The following LPP variants were observed in gnomAD, a reference collection of about 807,000 sequenced individuals.
LPP encodes lipoma-preferred partner.
LPP carries 38 observed loss-of-function variants against 60.4 expected under a neutral mutation model. The observed-to-expected ratio is 0.63, with a 90% CI of 0.49 to 0.83. The LOEUF (loss-of-function observed/expected upper bound fraction) is 0.83. Ranked by LOEUF, LPP falls within the 40% of genes least tolerant of loss-of-function variation. LPP has a pLI of 0.00. For missense variants in LPP, 902 were observed against 783.6 expected (o/e 1.15, Z -1.80); for synonymous variants, 328 against 290.8 (o/e 1.13, Z -1.30).
chr3:188,368,676 ACACT>A (rs1231665894), intron 3 of LPP, among the ~76,000 whole-genome samples: 13 of 43,314 alleles, frequency 3.0e-4, no homozygotes, highest in East Asian at 2.3e-3. Flanking sequence ...AAACACACAC[ACACT>A]CTCACACACA....
intron 4 of LPP, among the ~76,000 whole-genome samples, chr3:188,447,252 CAT>C (rs1164708537): frequency 6.6e-6 from 1 of 152,148 alleles, no homozygotes; most frequent in Non-Finnish European, 1.5e-5. Flanking sequence ...AAATTTCCCA[CAT>C]GATTTTGTGA....
intron 6 of LPP, among the ~76,000 whole-genome samples, chr3:188,546,750 T>G (rs1380884753): frequency 6.6e-6 from 1 of 152,214 alleles, no homozygotes; most frequent in East Asian, 1.9e-4. Context: ...TTCAATCAAT[T>G]AACTCTTCCA....
intron 1 of LPP, among the ~76,000 whole-genome samples, chr3:188,191,998 G>C (rs1203031649): frequency 2.6e-5 from 4 of 152,100 alleles, no homozygotes; most frequent in African/African-American, 9.7e-5. Context: ...GGAAAATTGG[G>C]ATGGTGTTAG....
intron 9 of LPP, among the ~76,000 whole-genome samples, chr3:188,843,225 G>T (rs369684511): frequency 3.3e-5 from 5 of 152,212 alleles, no homozygotes; most frequent in South Asian, 4.2e-4. Context: ...TTGCCATGAG[G>T]GGCTGTGACA....
intron 6 of LPP, among the ~76,000 whole-genome samples, chr3:188,533,396 G>C (rs1822714470): frequency 1.3e-5 from 2 of 152,274 alleles, no homozygotes; most frequent in South Asian, 2.1e-4. Context: ...TGCTGTTTCT[G>C]GCAAGGCTGC....
At chr3:188,500,099 T>G (rs924578418) in intron 5 of LPP, among the ~76,000 whole-genome samples, 1 of 152,130 alleles carries the variant, frequency 6.6e-6, no homozygotes, top group Non-Finnish European at 1.5e-5. Context: ...ACCTTTATTT[T>G]TTTTTCTTCC....
chr3:188,622,187 T>A (rs1845929944), intron 7 of LPP, among the ~76,000 whole-genome samples: 2 of 152,096 alleles, frequency 1.3e-5, no homozygotes, highest in African/African-American at 4.8e-5. Flanking sequence ...TTTGCAGACT[T>A]TATGTTCACA....
At position 188,217,344 on chromosome 3, in the gene LPP, T is replaced by C. The variant is rs1365354240; in HGVS notation, c.-189-8061T>C. Among the ~76,000 whole-genome samples the C allele has an allele frequency of 6.6e-6, 1 of 152,118 alleles. No individual in the cohort carries two copies. Among genetic ancestry groups the C allele is most frequent in the African/African-American group, 2.4e-5 (1 of 41,420 alleles). ...TTTGAGGAACAGAAGGAGACTGATG[T>C]GCTGGCAGGATGTGGGCTGCAGGGG... On this transcript the variant is annotated intron_variant, in intron 1 of 11. Transcript: ENST00000617246. The surrounding 1 kb of genome is among the most constrained non-coding windows in gnomAD (Gnocchi z 4.0).
chr3:188,778,151 G>A (rs1469835650), intron 9 of LPP, among the ~76,000 whole-genome samples: 1 of 152,140 alleles, frequency 6.6e-6, no homozygotes, highest in African/African-American at 2.4e-5. Context: ...GGAAGAAGAT[G>A]AATTTCAGGT....
At chr3:188,798,819 A>G (rs1367104064) in intron 9 of LPP, among the ~76,000 whole-genome samples, 1 of 152,218 alleles carries the variant, frequency 6.6e-6, no homozygotes, top group South Asian at 2.1e-4. Flanking sequence ...GAGAAGGGAA[A>G]TTTCACCGTC....
At chr3:188,658,369 C>T (rs954303037) in intron 7 of LPP, among the ~76,000 whole-genome samples, 15 of 152,032 alleles carry the variant, frequency 9.9e-5, no homozygotes, top group African/African-American at 3.4e-4. Flanking sequence ...TGGTCTCAAA[C>T]TCCTGACCTC....
rs1578467744 is a variant in LPP, at chr3:188,379,591, G to T, written c.-9-26521G>T. Among the ~76,000 whole-genome samples the T allele has an allele frequency of 2.0e-5, 3 of 152,098 alleles. No individual in the cohort carries two copies. In the South Asian group the frequency reaches 6.2e-4, roughly 32 times the overall value. ...ATTTCTCCCAAATCTCTTGCATCCG[G>T]TACTAAGCAACCACGAATCTACTTT... On this transcript the variant is annotated intron_variant, in intron 3 of 11. Coordinates refer to ENST00000617246, the MANE Select transcript of LPP (RefSeq NM_001375462.1).
intron 1 of LPP, among the ~76,000 whole-genome samples, chr3:188,177,501 G>C (rs1723412457): frequency 1.3e-5 from 2 of 152,128 alleles, no homozygotes; most frequent in African/African-American, 4.8e-5. Context: ...TAGCGGCAAA[G>C]ACACTAGATC....
chr3:188,450,992 G>C (rs28672297), intron 4 of LPP, among the ~76,000 whole-genome samples: 42,462 of 151,730 alleles, frequency 0.28, 6,149 homozygotes, highest in Non-Finnish European at 0.3. Flanking sequence ...CTGTGGGGAG[G>C]GTGCTTGATC....
chr3:188,556,070 C>T (rs1169375891), intron 6 of LPP, among the ~76,000 whole-genome samples: 1 of 152,020 alleles, frequency 6.6e-6, no homozygotes, highest in Non-Finnish European at 1.5e-5. Flanking sequence ...GTATCCACAC[C>T]ATTGGATCAA....
intron 8 of LPP, among the ~76,000 whole-genome samples, chr3:188,740,473 A>G (rs956450908): frequency 3.3e-5 from 5 of 152,108 alleles, no homozygotes; most frequent in Non-Finnish European, 4.4e-5. Context: ...ATATTAATCC[A>G]TTATGAATAT....
intron 7 of LPP, among the ~76,000 whole-genome samples, chr3:188,694,697 C>CAAAAAA (rs1346492955): frequency 8.9e-6 from 1 of 112,592 alleles, no homozygotes; most frequent in Non-Finnish European, 2.0e-5. Context: ...AACTCCATCT[C>CAAAAAA]AAAAAAAAAA....
intron 2 of LPP, among the ~76,000 whole-genome samples, chr3:188,260,812 G>A (rs1280148341): frequency 2.0e-5 from 3 of 152,044 alleles, no homozygotes; most frequent in African/African-American, 4.8e-5. Flanking sequence ...GCGGGCAGAT[G>A]GTTTGAGGTC....
intron 1 of LPP, among the ~76,000 whole-genome samples, chr3:188,165,622 T>G (rs1026998143): frequency 1.7e-4 from 26 of 152,202 alleles, no homozygotes; most frequent in Admixed American, 6.5e-5. Context: ...TGACTGGATC[T>G]GTGCCTTAAG....
Sources: allele counts gnomAD v4.1 joint callset (sites outside exome capture counted in the v4.1 genomes callset), GRCh38; gene constraint gnomAD v4.1.1; non-coding constraint Gnocchi (gnomAD v3.1); transcripts MANE v1.5; gene names NCBI Gene and HGNC (gene_info 2026-07-23, HGNC 2026-07-21).